The following EPHA4 variants were observed in gnomAD, a reference collection of about 807,000 sequenced individuals.
The protein encoded by EPHA4 is EPH receptor A4.
EPHA4 carries 19 observed loss-of-function variants against 108.3 expected under a neutral mutation model. The observed-to-expected ratio is 0.18, with a 90% CI of 0.12 to 0.26. The LOEUF (loss-of-function observed/expected upper bound fraction) is 0.26, where lower values mean the gene tolerates loss of function less well. EPHA4 is among the 10% of genes least tolerant of loss of function. The pLI, the probability that EPHA4 is intolerant of heterozygous loss-of-function variation, is 1.00. For synonymous variants in EPHA4, 449 were observed against 455.5 expected (o/e 0.99, Z 0.18); for missense variants, 917 against 1,254.0 (o/e 0.73, Z 4.06).
intron 3 of EPHA4, among the ~76,000 whole-genome samples, chr2:221,537,697 G>A (rs760058754): frequency 3.3e-5 from 5 of 152,222 alleles, no homozygotes; most frequent in East Asian, 1.9e-4. Flanking sequence ...GGCTGAGGCC[G>A]GAGGATCATT....
chr2:221,462,563 C>A (rs1444066049), intron 5 of EPHA4, among the ~76,000 whole-genome samples: 1 of 152,100 alleles, frequency 6.6e-6, no homozygotes, highest in Non-Finnish European at 1.5e-5. Context: ...AGATATCAAA[C>A]ATTTTCTAAA....
At chr2:221,446,088 C>T in intron 9 of EPHA4, 35 bp downstream of exon 9, 1 of 1,449,616 alleles carries the variant, frequency 6.9e-7, no homozygotes, top group Non-Finnish European at 9.3e-7. Flanking sequence ...GTGACATGCT[C>T]TAAAAATAGA....
intron 3 of EPHA4, among the ~76,000 whole-genome samples, chr2:221,530,316 C>T (rs905413038): frequency 2.6e-5 from 4 of 152,214 alleles, no homozygotes; most frequent in Non-Finnish European, 4.4e-5. Context: ...AAGAGACTGA[C>T]TCATGCCACA....
intron 15 of EPHA4, 132 bp from the exon 16 acceptor site, chr2:221,426,751 G>A: frequency 1.3e-6 from 1 of 782,476 alleles, no homozygotes; most frequent in Non-Finnish European, 2.0e-6. Context: ...AACAATTGTT[G>A]TTAAATGTAA....
At chr2:221,481,974 A>T (rs952632514) in intron 5 of EPHA4, among the ~76,000 whole-genome samples, 5 of 152,218 alleles carry the variant, frequency 3.3e-5, no homozygotes, top group Admixed American at 2.6e-4. Context: ...GGAGTGACTC[A>T]GCTCACTGCA....
chr2:221,559,816 C>A (rs1053658106), intron 3 of EPHA4, among the ~76,000 whole-genome samples: 1 of 152,186 alleles, frequency 6.6e-6, no homozygotes, highest in Non-Finnish European at 1.5e-5. Context: ...CAAAGGGCTG[C>A]TAACTCCTGC....
At chr2:221,440,452 T>G (rs188353068) in intron 11 of EPHA4, among the ~76,000 whole-genome samples, 2 of 152,308 alleles carry the variant, frequency 1.3e-5, no homozygotes, top group East Asian at 3.9e-4. Flanking sequence ...ATCTTTTAAT[T>G]AAAGTAGTGA....
chr2:221,564,397 G>A lies in EPHA4; in HGVS notation c.160-3C>T. The A allele has an allele frequency of 1.2e-6, 2 of 1,605,180 alleles. No homozygotes were observed. Among genetic ancestry groups the A allele is most frequent in the Non-Finnish European group, 1.7e-6 (2 of 1,173,208 alleles). On this transcript the variant is annotated splice_polypyrimidine_tract_variant and splice_region_variant and intron_variant, in intron 2 of 17. Transcript: ENST00000281821. ...TCCATGATACTCACTTCCTCCCACT[G>A]CAAAGATCCAAAGCAGATGTATCAA... is the stretch of plus-strand genomic sequence containing the variant.
chr2:221,463,357 C>T (rs1251478821), intron 5 of EPHA4, among the ~76,000 whole-genome samples: 1 of 152,182 alleles, frequency 6.6e-6, no homozygotes, highest in Non-Finnish European at 1.5e-5. Context: ...ATGTTGTATT[C>T]CCAGTTCTAC....
rs541858138 is a variant in EPHA4 at position 221,456,760 on chromosome 2, G to T, written c.1456C>A (p.Arg486=). ...GCTGTCCGAACTATACGATAGCTTC[G>T]CTCATTCTGATCCTACATCATGGCA... is the stretch of plus-strand genomic sequence containing the variant. ...VKYYEKDQNE[R]SYRIVRTAAR... Residue 486 remains arginine (R), a synonymous_variant, in exon 7 of 18, where the codon CGA becomes AGA. Transcript: ENST00000281821. 23 of 1,613,574 alleles carry T rather than the reference G, an allele frequency of 1.4e-5. No individual in the cohort carries two copies. The highest frequency in any genetic ancestry group is 5.3e-5 in the African/African-American group (4 of 75,016).
chr2:221,426,611 G>C lies in EPHA4; in HGVS notation c.2699C>G (p.Thr900Ser). ...AGGGGAGCTTGGATCCAACAAGGCAGTGTTAGGTCTAGAAAGAGAACAAGA... is the reference window on the plus strand; with the variant it reads ...AGGGGAGCTTGGATCCAACAAGGCACTGTTAGGTCTAGAAAGAGAACAAGA... ...RTGTESSRPN[T>S]ALLDPSSPEF... is the part of the protein sequence containing the mutation. The change falls in exon 16 of 18, where the codon ACT becomes AGT. Residue 900 changes from threonine to serine, a missense_variant. Physicochemically the swap from Thr to Ser is moderately conservative, Grantham distance 58 (BLOSUM62 1). Transcript: ENST00000281821. 6.2e-7 allele frequency: 1 copy of C among 1,612,930 alleles called. No homozygotes were observed. The highest frequency in any genetic ancestry group is 8.5e-7 in the Non-Finnish European group (1 of 1,179,764).
chr2:221,436,280 G>C (rs1690234632), intron 13 of EPHA4, 119 bp downstream of exon 13: 1 of 850,072 alleles, frequency 1.2e-6, no homozygotes, highest in Non-Finnish European at 1.8e-6. Context: ...ATATGAGGAG[G>C]CTTCAAGGGA....
At chr2:221,493,761 A>G (rs1383986354) in intron 4 of EPHA4, among the ~76,000 whole-genome samples, 1 of 152,234 alleles carries the variant, frequency 6.6e-6, no homozygotes, top group African/African-American at 2.4e-5. Flanking sequence ...GCAAATGTAG[A>G]GACAAAGTAA....
Position 221,426,632 on chromosome 2 carries a change from C to G in EPHA4, c.2691-13G>C. On this transcript the variant is annotated splice_polypyrimidine_tract_variant and intron_variant, in intron 15 of 17. Transcript: ENST00000281821. ...GGCAGTGTTAGGTCTAGAAAGAGAACAAGAAAATATAAGCAGAACGGAGCT... is the reference window on the plus strand; with the variant it reads ...GGCAGTGTTAGGTCTAGAAAGAGAAGAAGAAAATATAAGCAGAACGGAGCT... 6.2e-7 allele frequency: 1 copy of G among 1,607,766 alleles called. No individual in the cohort carries two copies. The highest frequency in any genetic ancestry group is 8.5e-7 in the Non-Finnish European group (1 of 1,178,328).
intron 6 of EPHA4, among the ~76,000 whole-genome samples, 173 bp downstream of exon 6, chr2:221,457,693 A>G (rs1574579642): frequency 6.6e-6 from 1 of 151,210 alleles, no homozygotes; most frequent in African/African-American, 2.4e-5. Context: ...ATGACTTACA[A>G]CTGGCTAACC....
At position 221,540,644 on chromosome 2, in the gene EPHA4, G is replaced by C. The variant is rs1285696275; in HGVS notation, c.823+23087C>G. ...ATTGCAATAACCTCAGAATTATAAG[G>C]GACCAGGAGTTATTCCAGTCCCTGC... On this transcript the variant is annotated intron_variant, in intron 3 of 17. Transcript: ENST00000281821. Among the ~76,000 whole-genome samples the C allele has an allele frequency of 6.6e-5, 10 of 152,258 alleles. No individual in the cohort carries two copies. In the East Asian group the frequency reaches 1.9e-3, roughly 29 times the overall value.
chr2:221,535,065 A>G (rs1693628120), intron 3 of EPHA4, among the ~76,000 whole-genome samples: 2 of 152,226 alleles, frequency 1.3e-5, no homozygotes, highest in Admixed American at 1.3e-4. Flanking sequence ...TTAAAAAGAA[A>G]TAAGCAGCAC....
intron 14 of EPHA4, among the ~76,000 whole-genome samples, chr2:221,432,818 ATTTT>A (rs34200694): frequency 0.16 from 13,764 of 88,710 alleles, 788 homozygotes; most frequent in African/African-American, 0.23. Flanking sequence ...AAATCTTTGT[ATTTT>A]TTTTTTTTTT....
rs753706663 is a variant in EPHA4, at chr2:221,426,482, A to G, written c.2828T>C (p.Val943Ala). The G allele has an allele frequency of 1.2e-6, 2 of 1,609,682 alleles. No homozygotes were observed. The highest frequency in any genetic ancestry group is 1.7e-6 in the Non-Finnish European group (2 of 1,178,988). The change falls in exon 16 of 18, where the codon GTG becomes GCG. Residue 943 changes from valine to alanine, a missense_variant. Physicochemically the swap from Val to Ala is moderately conservative, Grantham distance 64. Coordinates refer to ENST00000281821, the MANE Select transcript of EPHA4 (RefSeq NM_004438.5). The stretch of plus-strand genomic sequence containing the variant: ...TACTTACTCCTGGTTCACGTGCACC[A>G]CAGCCTCTAGTGTGGTATAACCAGC... The part of the protein sequence containing the change: ...TAAGYTTLEA[V>A]VHVNQEDLAR...
Sources: gnomAD v4.1 joint callset for allele counts (sites outside exome capture counted in the v4.1 genomes callset) on GRCh38, gnomAD v4.1.1 for gene constraint, MANE v1.5 for transcripts, NCBI Gene and HGNC (gene_info 2026-07-23, HGNC 2026-07-21) for gene names.